Variants in APLF observed in about 807,000 individuals in gnomAD.
APLF encodes aprataxin and PNKP like factor, also known as aprataxin and PNK-like factor.
APLF carries 61 observed loss-of-function variants against 55.6 expected under a neutral mutation model. That is an observed-to-expected ratio of 1.10 (90% CI 0.89 to 1.36). The LOEUF is 1.36. Ranked by LOEUF, APLF falls within the 40% of genes most tolerant of loss-of-function variation. The pLI is 0.00. For synonymous variants in APLF, 207 were observed against 214.8 expected, an observed-to-expected ratio of 0.96 and a Z score of 0.32; for missense variants, 611 against 602.5, an observed-to-expected ratio of 1.01 and a Z score of -0.15.
At chr2:68,517,530 GTTA>G (rs1214301178) in intron 5 of APLF, among the ~76,000 whole-genome samples, 6 of 138,892 alleles carry the variant, frequency 4.3e-5, no homozygotes, top group Non-Finnish European at 6.1e-5. Flanking sequence ...ATCAATATAT[GTTA>G]TTAACATATG....
At chr2:68,502,080 C>T (rs575878823) in intron 2 of APLF, among the ~76,000 whole-genome samples, 3 of 152,008 alleles carry the variant, frequency 2.0e-5, no homozygotes, top group East Asian at 3.9e-4. Flanking sequence ...GACCCACTCG[C>T]GAGATAACAA....
chr2:68,490,710 T>G lies in APLF; in HGVS notation c.168+449T>G, dbSNP rs149293505. Among the ~76,000 whole-genome samples the G allele has an allele frequency of 4.3e-3, 656 of 152,322 alleles. 3 individuals are homozygous for G. The highest frequency in any genetic ancestry group is 0.015 in the African/African-American group (625 of 41,576). On this transcript the variant is annotated intron_variant, in intron 2 of 9. Transcript: ENST00000303795. Reference sequence around the variant, plus strand: ...TCAACTTCGAGGTTTGAAAAATGATTTTAATTTGAAAGTTTTTGTTGAGGG... The same window carrying G: ...TCAACTTCGAGGTTTGAAAAATGATGTTAATTTGAAAGTTTTTGTTGAGGG...
At chr2:68,517,075 T>G (rs1669613209) in intron 5 of APLF, among the ~76,000 whole-genome samples, 1 of 124,010 alleles carries the variant, frequency 8.1e-6, no homozygotes, top group African/African-American at 3.3e-5. Context: ...CATGTTAATA[T>G]ATAATATGTT....
intron 8 of APLF, among the ~76,000 whole-genome samples, chr2:68,561,581 A>G (rs1259203736): frequency 1.3e-5 from 2 of 152,104 alleles, no homozygotes; most frequent in African/African-American, 2.4e-5. Context: ...TCTGATTAAT[A>G]TGAGTGTCAT....
chr2:68,566,862 C>T (rs979098457), intron 8 of APLF, among the ~76,000 whole-genome samples: 3 of 151,848 alleles, frequency 2.0e-5, no homozygotes, highest in Admixed American at 6.6e-5. Flanking sequence ...ACAAAATTAA[C>T]TTTTGTGTTT....
At chr2:68,492,894 G>A (rs1676415350) in intron 2 of APLF, among the ~76,000 whole-genome samples, 1 of 152,122 alleles carries the variant, frequency 6.6e-6, no homozygotes, top group Admixed American at 6.5e-5. Flanking sequence ...TCCCATAAAT[G>A]TGATGTTTAG....
In APLF at chr2:68,503,832, A is replaced by G. The variant is rs932894674; in HGVS notation, c.341+929A>G. On this transcript the variant is annotated intron_variant, in intron 3 of 9. Coordinates refer to ENST00000303795, the MANE Select transcript of APLF (RefSeq NM_173545.3). ...AGCAAATTAATCCCAAAGAAAATAGAAAAAAAGAAAGTAAGAACTAGAAGT... is the reference window on the plus strand; with the variant it reads ...AGCAAATTAATCCCAAAGAAAATAGGAAAAAAGAAAGTAAGAACTAGAAGT... 2.6e-5 allele frequency among the ~76,000 whole-genome samples: 4 copies of G among 152,026 alleles called. No homozygotes were observed. In the East Asian group the frequency reaches 7.7e-4, roughly 29 times the overall value.
chr2:68,545,366 T>TA, intron 8 of APLF, 54 bp downstream of exon 8: 1 of 1,554,138 alleles, frequency 6.4e-7, no homozygotes, highest in Non-Finnish European at 8.7e-7. Flanking sequence ...CTCTGTTACT[T>TA]ATCTAGGAGA....
chr2:68,479,066 A>G (rs947295862), intron 1 of APLF, among the ~76,000 whole-genome samples: 1 of 152,158 alleles, frequency 6.6e-6, no homozygotes, highest in African/African-American at 2.4e-5. Context: ...CCAGAGCCCC[A>G]TGAGTTGAGT....
At position 68,577,871 on chromosome 2, in the gene APLF, A is replaced by G. The variant is rs1253994676; in HGVS notation, c.1385A>G (p.Tyr462Cys). The G allele has an allele frequency of 6.8e-6, 11 of 1,613,620 alleles. No homozygotes were observed. The highest frequency in any genetic ancestry group is 2.2e-5 in the South Asian group (2 of 91,072). Residue 462 changes from tyrosine to cysteine, a missense_variant, in exon 10 of 10, where the codon TAT (tyrosine) becomes TGT (cysteine). Transcript: ENST00000303795. ...DNDNVGQPNE[Y>C]DLNDSFLDDE... The stretch of plus-strand genomic sequence containing the variant: ...GATAATGTTGGGCAACCCAATGAGT[A>G]TGACCTGAACGACAGCTTTCTAGAT...
chr2:68,571,270 T>C (rs1366666303), intron 9 of APLF, among the ~76,000 whole-genome samples: 1 of 152,176 alleles, frequency 6.6e-6, no homozygotes, highest in Non-Finnish European at 1.5e-5. Context: ...TGGTAGTTTC[T>C]TTTGCTGTGC....
chr2:68,522,629 A>C (rs1251557262), intron 5 of APLF, among the ~76,000 whole-genome samples: 1 of 151,878 alleles, frequency 6.6e-6, no homozygotes, highest in South Asian at 2.1e-4. Context: ...TGCTTTTAGT[A>C]GTTGATAATT....
chr2:68,468,847 C>T (rs1270606516), intron 1 of APLF, among the ~76,000 whole-genome samples: 6 of 152,084 alleles, frequency 3.9e-5, no homozygotes, highest in Admixed American at 6.6e-5. Context: ...TGAGCTAACA[C>T]CAAGGAGTAA....
rs1573225253 is a variant in APLF at position 68,528,783 on chromosome 2, G to A, written c.804+2541G>A. On this transcript the variant is annotated intron_variant, in intron 6 of 9. Coordinates refer to ENST00000303795, the MANE Select transcript of APLF (RefSeq NM_173545.3). ...CCCTTGGAGTAGAAACTCACTGCAT[G>A]CACCTGGGCCTTGTCAGTCTGGTTG... 2.8e-6 allele frequency: 4 copies of A among 1,428,556 alleles called. No homozygotes were observed. In the East Asian group the frequency reaches 7.4e-5, roughly 27 times the overall value. 88.5% of individuals were successfully genotyped at this position (1,428,556 alleles called of 1,614,324 possible).
chr2:68,496,979 G>A (rs1008324443), intron 2 of APLF, among the ~76,000 whole-genome samples: 4 of 152,302 alleles, frequency 2.6e-5, no homozygotes, highest in South Asian at 2.1e-4. Context: ...GAGTTCTGAA[G>A]TCACTTCCAC....
chr2:68,468,989 G>GTTGT (rs1553366866), intron 1 of APLF, among the ~76,000 whole-genome samples: 1 of 146,662 alleles, frequency 6.8e-6, no homozygotes, highest in African/African-American at 2.5e-5. Flanking sequence ...GTCCTAAAGG[G>GTTGT]GTGTGTGTGT....
chr2:68,498,312 A>C (rs1443096647), intron 2 of APLF, among the ~76,000 whole-genome samples: 1 of 152,192 alleles, frequency 6.6e-6, no homozygotes, highest in Non-Finnish European at 1.5e-5. Context: ...GAATATGGCA[A>C]ATGTTTTGTT....
chr2:68,479,607 G>T (rs750422932), intron 1 of APLF, among the ~76,000 whole-genome samples: 4 of 152,176 alleles, frequency 2.6e-5, no homozygotes, highest in African/African-American at 9.7e-5. Context: ...GAAGGGTTAC[G>T]TTTATTCAAG....
chr2:68,481,071 T>G (rs546926220), intron 1 of APLF, among the ~76,000 whole-genome samples: 1 of 152,304 alleles, frequency 6.6e-6, no homozygotes, highest in African/African-American at 2.4e-5. Flanking sequence ...GACTTGTAAT[T>G]TTCTTTTTGT....
Sources: gnomAD v4.1 joint callset for allele counts (sites outside exome capture counted in the v4.1 genomes callset) on GRCh38, gnomAD v4.1.1 for gene constraint, MANE v1.5 for transcripts, NCBI Gene and HGNC (gene_info 2026-07-23, HGNC 2026-07-21) for gene names.